PRKCH: variants seen among roughly 807,000 people sequenced by gnomAD.
PRKCH encodes the protein protein kinase C eta type.
A neutral mutation model predicts 82.5 loss-of-function variants in PRKCH; 28 were observed. The observed-to-expected ratio is 0.34, with a 90% CI of 0.25 to 0.47. The LOEUF (loss-of-function observed/expected upper bound fraction) is 0.47. PRKCH is among the 20% of genes least tolerant of loss of function. The pLI, the probability that PRKCH is intolerant of heterozygous loss-of-function variation, is 1.00. For synonymous variants in PRKCH, 322 were observed against 327.4 expected, an observed-to-expected ratio of 0.98 and a Z score of 0.18; for missense variants, 705 against 881.8, an observed-to-expected ratio of 0.80 and a Z score of 2.54.
chr14:61,410,118 C>A (rs1294669834), intron 2 of PRKCH, among the ~76,000 whole-genome samples: 2 of 152,118 alleles, frequency 1.3e-5, no homozygotes, highest in African/African-American at 4.8e-5. Context: ...TGTGTGTTGA[C>A]TTTTATGATT....
In PRKCH at chr14:61,281,870, C is replaced by CTTTTTTTTTTT. The variant is rs71117807; in HGVS notation, c.-19+94223_-19+94233dup. On this transcript the variant is annotated intron_variant, in intron 1 of 3. Transcript: ENST00000555185. ...TTCAACGCCTGCGTTCAAATTTTAG[C>CTTTTTTTTTTT]TTTTTTTTTTTTTTTTTTTTTTTTT... is the stretch of plus-strand genomic sequence containing the variant. The CTTTTTTTTTTT allele has an allele frequency of 1.1e-4, 10 of 94,862 alleles. 1 individual carries two copies. Among genetic ancestry groups the CTTTTTTTTTTT allele is most frequent in the African/African-American group, 3.5e-4 (7 of 19,892 alleles). The allele number at this position is 94,862 out of a possible 1,614,324, so 5.9% of individuals were successfully genotyped here.
intron 7 of PRKCH, 143 bp downstream of exon 7, chr14:61,453,496 CTCTTTCTT>C (rs777050309): frequency 5.0e-6 from 4 of 799,336 alleles, no homozygotes; most frequent in African/African-American, 2.1e-5. Flanking sequence ...TTCTTTCTTT[CTCTTTCTT>C]TCTTTCTTTT....
At chr14:61,388,079 C>T (rs924144261) in intron 1 of PRKCH, among the ~76,000 whole-genome samples, 3 of 143,646 alleles carry the variant, frequency 2.1e-5, no homozygotes, top group Non-Finnish European at 4.5e-5. Flanking sequence ...ACCCAGGAGG[C>T]AGAGATTGCA....
At chr14:61,194,091 GT>G (rs1357740230) in intron 1 of PRKCH, among the ~76,000 whole-genome samples, 1 of 151,944 alleles carries the variant, frequency 6.6e-6, no homozygotes, top group East Asian at 1.9e-4. Flanking sequence ...AATTAATTTA[GT>G]TTTTTAAAAG....
intron 1 of PRKCH, chr14:61,279,759 A>G: frequency 3.9e-6 from 1 of 259,392 alleles, no homozygotes; most frequent in Non-Finnish European, 7.3e-6. Context: ...AGGTCTCTCA[A>G]TCTCTTCCTC....
intron 1 of PRKCH, among the ~76,000 whole-genome samples, chr14:61,371,037 T>G (rs534773312): frequency 6.6e-6 from 1 of 152,272 alleles, no homozygotes; most frequent in East Asian, 1.9e-4. Context: ...TCTTTTCATC[T>G]ATTTAGTGAA....
chr14:61,500,966 A>C (rs1282277127), intron 10 of PRKCH, among the ~76,000 whole-genome samples: 1 of 152,218 alleles, frequency 6.6e-6, no homozygotes, highest in Non-Finnish European at 1.5e-5. Context: ...GAACAGCATG[A>C]AAATGAGACA....
chr14:61,264,494 A>G (rs1259258327), intron 1 of PRKCH, among the ~76,000 whole-genome samples: 1 of 152,172 alleles, frequency 6.6e-6, no homozygotes, highest in African/African-American at 2.4e-5. Flanking sequence ...CTGCTTTTTG[A>G]TTGTTGAATT....
At chr14:61,514,666 A>G (rs1393648851) in intron 10 of PRKCH, among the ~76,000 whole-genome samples, 1 of 152,142 alleles carries the variant, frequency 6.6e-6, no homozygotes, top group African/African-American at 2.4e-5. Context: ...GCCAAACCCA[A>G]TGGTCAGGGA....
In PRKCH at chr14:61,322,084, C is replaced by G. The variant is rs761211869; in HGVS notation, c.-18C>G. ...GCGAAGCAGCGCGGCCCCCCGGGGC[C>G]GGGGCAGCGGCGCCGGCATGTCGTC... On this transcript the variant is annotated 5_prime_UTR_variant, in exon 1 of 14. Transcript: ENST00000332981. The G allele has an allele frequency of 2.4e-5, 36 of 1,525,394 alleles. 1 individual carries two copies. In the East Asian group the frequency reaches 2.7e-4, roughly 12 times the overall value. The allele number at this position is 1,525,394 out of a possible 1,614,324, so 94.5% of individuals were successfully genotyped here.
chr14:61,412,506 A>AG (rs1295778543), intron 2 of PRKCH, among the ~76,000 whole-genome samples: 1 of 152,120 alleles, frequency 6.6e-6, no homozygotes, highest in Non-Finnish European at 1.5e-5. Flanking sequence ...TGCTCTCTCT[A>AG]GCCAGGACTG....
intron 1 of PRKCH, among the ~76,000 whole-genome samples, chr14:61,205,375 T>C (rs966456266): frequency 1.3e-5 from 2 of 152,088 alleles, no homozygotes; most frequent in Non-Finnish European, 2.9e-5. Context: ...GGCAATTCCA[T>C]AAAGTGATGA....
chr14:61,351,047 T>A (rs930674813), intron 1 of PRKCH, among the ~76,000 whole-genome samples: 10 of 152,196 alleles, frequency 6.6e-5, no homozygotes, highest in African/African-American at 2.2e-4. Context: ...CCAGGATACA[T>A]GGGTACATGT....
chr14:61,333,552 A>G (rs2045816360), intron 1 of PRKCH, among the ~76,000 whole-genome samples: 1 of 152,178 alleles, frequency 6.6e-6, no homozygotes, highest in Non-Finnish European at 1.5e-5. Flanking sequence ...AGAGAAAAAG[A>G]TGTTCTTAAA....
At chr14:61,286,430 A>T (rs1366187018) in intron 1 of PRKCH, among the ~76,000 whole-genome samples, 1 of 152,220 alleles carries the variant, frequency 6.6e-6, no homozygotes, top group African/African-American at 2.4e-5. Flanking sequence ...GACAGAAGCG[A>T]ATTCTCTCCA....
At chr14:61,381,236 A>G (rs909708697) in intron 1 of PRKCH, among the ~76,000 whole-genome samples, 2 of 152,136 alleles carry the variant, frequency 1.3e-5, no homozygotes, top group Non-Finnish European at 1.5e-5. Flanking sequence ...CTCTTTTCCA[A>G]CCTGCTCTCT....
intron 1 of PRKCH, among the ~76,000 whole-genome samples, chr14:61,188,186 C>T (rs957057666): frequency 2.6e-5 from 4 of 152,240 alleles, no homozygotes; most frequent in Non-Finnish European, 4.4e-5. Context: ...GATGTGCCCC[C>T]GGGGCACCCA....
intron 10 of PRKCH, among the ~76,000 whole-genome samples, chr14:61,498,333 G>T (rs1555393312): frequency 6.6e-6 from 1 of 152,046 alleles, no homozygotes; most frequent in Non-Finnish European, 1.5e-5. Context: ...TTTTAGAAGT[G>T]ATCTCATGTG....
At chr14:61,522,073 A>C (rs1264581187) in intron 10 of PRKCH, among the ~76,000 whole-genome samples, 1 of 152,184 alleles carries the variant, frequency 6.6e-6, no homozygotes, top group Non-Finnish European at 1.5e-5. Flanking sequence ...TGTCTAAAAA[A>C]AGTAGCTCAA....
Sources: allele counts gnomAD v4.1 joint callset (sites outside exome capture counted in the v4.1 genomes callset), GRCh38; gene constraint gnomAD v4.1.1; transcripts MANE v1.5; gene names NCBI Gene and HGNC (gene_info 2026-07-23, HGNC 2026-07-21).